ARL14EP: variants seen among roughly 807,000 people sequenced by gnomAD.
ARL14EP encodes the protein ARL14 effector protein.
A neutral mutation model predicts 23.1 loss-of-function variants in ARL14EP; 12 were observed. The ratio of observed to expected loss-of-function variants is 0.52; its 90% CI spans 0.33 to 0.84. The LOEUF is 0.84. Among genes scored for constraint, ARL14EP ranks in the 40% least tolerant of loss-of-function variants. The pLI is 0.02. For synonymous variants in ARL14EP, 97 were observed against 102.0 expected (o/e 0.95, Z 0.29); for missense variants, 253 against 307.3 (o/e 0.82, Z 1.32).
rs751890528 is a variant in ARL14EP at position 30,331,064 on chromosome 11, T to A, written c.116T>A (p.Met39Lys). Residue 39 changes from methionine (M) to lysine (K), a missense_variant, in exon 2 of 4, where the codon ATG (methionine) becomes AAG (lysine). Physicochemically the swap from Met to Lys is moderately conservative, Grantham distance 95 (BLOSUM62 -1). Transcript: ENST00000282032. ...KTLQELSSND[M>K]LLLQLRTGMT... ...TTGCAAGAATTGTCATCAAATGATA[T>A]GCTTTTACTTCAACTTAGAACTGGA... 1.9e-6 allele frequency: 3 copies of A among 1,613,814 alleles called. No individual in the cohort carries two copies. The African/African-American group carries it at 4.0e-5, about 22-fold the overall frequency.
intron 3 of ARL14EP, 39 bp from the exon 4 acceptor site, chr11:30,336,528 A>G (rs1415198646): frequency 6.6e-7 from 1 of 1,503,938 alleles, no homozygotes; most frequent in Non-Finnish European, 9.2e-7. Flanking sequence ...CAAAAATAAC[A>G]TATTTATGAG....
intron 1 of ARL14EP, chr11:30,329,391 T>G (rs1947265229): frequency 6.6e-6 from 1 of 152,148 alleles, no homozygotes; most frequent in Non-Finnish European, 1.5e-5. Flanking sequence ...CCAAAGGCAG[T>G]GAATGCTGAA....
Position 30,331,217 on chromosome 11 carries a change from T to A in ARL14EP, c.269T>A (p.Leu90Ter). ...NIHKKLAKKN[L>*]HVIDLDDATF... Reference sequence around the variant, plus strand: ...CACAAGAAATTAGCCAAAAAAAATTTGCATGTAATTGACTTAGATGATGCC... The same window carrying A: ...CACAAGAAATTAGCCAAAAAAAATTAGCATGTAATTGACTTAGATGATGCC... Residue 90 changes from leucine (L) to a stop codon, truncating the protein, a stop_gained, in exon 2 of 4, where the codon TTG becomes TAG. Transcript: ENST00000282032. LOFTEE classifies it high-confidence loss of function. 6.2e-7 allele frequency: 1 copy of A among 1,613,978 alleles called. No homozygotes were observed. The highest frequency in any genetic ancestry group is 8.5e-7 in the Non-Finnish European group (1 of 1,179,880).
chr11:30,328,143 TTTTA>T (rs1947254749), intron 1 of ARL14EP: 2 of 150,954 alleles, frequency 1.3e-5, no homozygotes, highest in African/African-American at 4.9e-5. Context: ...AAAAAATTTT[TTTTA>T]TTTTTTTATT....
chr11:30,330,188 T>C (rs911968051), intron 1 of ARL14EP: 1 of 152,138 alleles, frequency 6.6e-6, no homozygotes, highest in African/African-American at 2.4e-5. Context: ...GATCTGTTTG[T>C]TTATACTATA....
At chr11:30,325,381 A>G (rs983343909) in intron 1 of ARL14EP, among the ~76,000 whole-genome samples, 1 of 152,232 alleles carries the variant, frequency 6.6e-6, no homozygotes, top group Non-Finnish European at 1.5e-5. Flanking sequence ...TTGCCTGGTC[A>G]TAGGTAAACA....
chr11:30,334,410 TTCACCATG>T (rs550198125), intron 3 of ARL14EP, among the ~76,000 whole-genome samples: 104 of 151,900 alleles, frequency 6.8e-4, no homozygotes, highest in Non-Finnish European at 1.2e-3. Context: ...AGAGACGGGT[TTCACCATG>T]TTAGCCAGGA....
At position 30,331,099 on chromosome 11, in the gene ARL14EP, T is replaced by C; in HGVS notation, c.151T>C (p.Ser51Pro). The C allele has an allele frequency of 6.2e-7, 1 of 1,613,970 alleles. No individual in the cohort carries two copies. The highest frequency in any genetic ancestry group is 8.5e-7 in the Non-Finnish European group (1 of 1,179,874). ...TCAACTTAGAACTGGAATGACACTTTCTGGGAACAATACAATTTGCTTTCA... is the reference window on the plus strand; with the variant it reads ...TCAACTTAGAACTGGAATGACACTTCCTGGGAACAATACAATTTGCTTTCA... ...LLQLRTGMTL[S>P]GNNTICFHHV... is the part of the protein sequence containing the mutation. Residue 51 changes from serine to proline, a missense_variant, in exon 2 of 4, where the codon TCT becomes CCT. By Grantham distance (74) the Ser-to-Pro change is moderately conservative. Transcript: ENST00000282032.
intron 2 of ARL14EP, chr11:30,331,948 T>A: frequency 3.3e-6 from 1 of 303,230 alleles, no homozygotes; most frequent in Non-Finnish European, 4.8e-6. Flanking sequence ...TAGGACTCCT[T>A]GAGGTAAAAA....
intron 1 of ARL14EP, among the ~76,000 whole-genome samples, chr11:30,324,248 T>C (rs1429226866): frequency 1.3e-5 from 2 of 152,176 alleles, no homozygotes; most frequent in Non-Finnish European, 2.9e-5. Context: ...AAGAAAAGCC[T>C]TTAATTTTTT....
In ARL14EP at chr11:30,324,500, A is replaced by G. The variant is rs527413848; in HGVS notation, c.-64+1298A>G. 3.2e-4 allele frequency among the ~76,000 whole-genome samples: 49 copies of G among 152,034 alleles called. No homozygotes were observed. The South Asian group carries it at 8.3e-3, about 26-fold the overall frequency. ...AAGTGAGTTCCCTAATTAATCCTCAATTCCCTCTGCTGTTGTTTTGTTAGT... is the reference window on the plus strand; with the variant it reads ...AAGTGAGTTCCCTAATTAATCCTCAGTTCCCTCTGCTGTTGTTTTGTTAGT... On this transcript the variant is annotated intron_variant, in intron 1 of 3. Coordinates refer to ENST00000282032, the MANE Select transcript of ARL14EP (RefSeq NM_152316.3).
intron 1 of ARL14EP, among the ~76,000 whole-genome samples, chr11:30,326,131 C>G (rs997002885): frequency 7.7e-4 from 117 of 152,214 alleles, no homozygotes; most frequent in African/African-American, 2.5e-3. Context: ...GTTTTTCTTA[C>G]TCTTTTTTGC....
At chr11:30,333,164 C>A (rs1947299059) in intron 3 of ARL14EP, among the ~76,000 whole-genome samples, 171 bp downstream of exon 3, 1 of 152,078 alleles carries the variant, frequency 6.6e-6, no homozygotes, top group African/African-American at 2.4e-5. Context: ...ATTAAGGTAT[C>A]CCTTTCAACT....
intron 2 of ARL14EP, 58 bp from the exon 3 acceptor site, chr11:30,332,808 T>C (rs992269671): frequency 6.3e-7 from 1 of 1,588,480 alleles, no homozygotes. Context: ...TTAAATAAAA[T>C]GTTAATCTGT....
chr11:30,331,242 C>A lies in ARL14EP; in HGVS notation c.294C>A (p.Ala98=). 1 of 1,613,922 alleles carries A rather than the reference C, an allele frequency of 6.2e-7. No individual in the cohort carries two copies. The highest frequency in any genetic ancestry group is 8.5e-7 in the Non-Finnish European group (1 of 1,179,888). Residue 98 remains alanine (A), a synonymous_variant, in exon 2 of 4, where the codon GCC becomes GCA. Coordinates refer to ENST00000282032, the MANE Select transcript of ARL14EP (RefSeq NM_152316.3). ...TGCATGTAATTGACTTAGATGATGC[C>A]ACTTTTCTGAGTGCTAAATTTGGAA... ...KNLHVIDLDD[A]TFLSAKFGRQ...
chr11:30,333,133 C>G, intron 3 of ARL14EP, 140 bp downstream of exon 3: 1 of 1,153,770 alleles, frequency 8.7e-7, no homozygotes, highest in Non-Finnish European at 1.2e-6. Context: ...CTATGAAGGC[C>G]TTTGTTTTTA....
chr11:30,337,104 T>TA lies in ARL14EP; in HGVS notation c.*310dup. The stretch of plus-strand genomic sequence containing the variant: ...GATTTAGTTTAAATACCAGTTTCCT[T>TA]ACCAGGAAGGAAAGAAAACTGGTAA... On this transcript the variant is annotated 3_prime_UTR_variant, in exon 4 of 4. Transcript: ENST00000282032. 1 of 319,142 alleles carries TA rather than the reference T, an allele frequency of 3.1e-6. No homozygotes were observed. The highest frequency in any genetic ancestry group is 3.5e-5 in the South Asian group (1 of 28,224). 19.8% of individuals were successfully genotyped at this position (319,142 alleles called of 1,614,324 possible).
At chr11:30,332,620 C>G (rs976211656) in intron 2 of ARL14EP, among the ~76,000 whole-genome samples, 1 of 152,130 alleles carries the variant, frequency 6.6e-6, no homozygotes, top group Non-Finnish European at 1.5e-5. Context: ...TCCTCCTCTG[C>G]TCCTAATATA....
chr11:30,330,251 G>A (rs1947271517), intron 1 of ARL14EP: 2 of 152,250 alleles, frequency 1.3e-5, no homozygotes, highest in African/African-American at 2.4e-5. Context: ...ATATGTTACT[G>A]TATTTTCCTT....
Sources: allele counts gnomAD v4.1 joint callset (sites outside exome capture counted in the v4.1 genomes callset), GRCh38; gene constraint gnomAD v4.1.1; transcripts MANE v1.5; gene names NCBI Gene and HGNC (gene_info 2026-07-23, HGNC 2026-07-21).